The following ZDHHC24 variants were observed in gnomAD, a reference collection of about 807,000 sequenced individuals.
ZDHHC24 encodes the protein zDHHC palmitoyltransferase 24.
Under a neutral mutation model 23.2 loss-of-function variants are expected in ZDHHC24, and 17 were observed. The observed-to-expected ratio is 0.73, with a 90% CI of 0.50 to 1.10. ZDHHC24 has a LOEUF of 1.10. ZDHHC24 is among the 50% of genes least tolerant of loss of function. The pLI is 0.00. For synonymous variants in ZDHHC24, 186 were observed against 194.5 expected (o/e 0.96, Z 0.36); for missense variants, 366 against 393.0 (o/e 0.93, Z 0.58).
chr11:66,530,382 C>T (rs949981221), intron 2 of ZDHHC24, among the ~76,000 whole-genome samples: 2 of 152,066 alleles, frequency 1.3e-5, no homozygotes, highest in African/African-American at 4.8e-5. Flanking sequence ...GAGACCAGCA[C>T]GGGCAAAAGG....
intron 3 of ZDHHC24, chr11:66,529,181 G>T: frequency 7.5e-7 from 1 of 1,327,458 alleles, no homozygotes; most frequent in Non-Finnish European, 1.0e-6. Context: ...GAAGAGGAGG[G>T]ACAGTGGGGT....
In ZDHHC24 at chr11:66,537,012, C is replaced by G. The variant is rs987897074; in HGVS notation, c.*2517G>C. On this transcript the variant is annotated 3_prime_UTR_variant, in exon 3 of 3. Coordinates refer to ENST00000310442, the MANE Select transcript of ZDHHC24 (RefSeq NM_207340.3). The stretch of plus-strand genomic sequence containing the variant: ...AGTTCCTCCTGTCATTAAAAAATAG[C>G]AACAGAGCATGCCTGTTACAAAAAC... 3 of 151,954 alleles carry G rather than the reference C, an allele frequency of 2.0e-5. 1 individual carries two copies. The highest frequency in any genetic ancestry group is 4.4e-5 in the Non-Finnish European group (3 of 67,998). 9.4% of individuals were successfully genotyped at this position (151,954 alleles called of 1,614,324 possible).
downstream of ZDHHC24, chr11:66,521,013 C>T (rs560465582): frequency 1.4e-5 from 7 of 501,852 alleles, no homozygotes; most frequent in African/African-American, 9.7e-5. Context: ...GCCACCACAC[C>T]CAGCTGCACG....
At chr11:66,526,019 CTATCA>C in intron 4 of ZDHHC24, 1 of 977,898 alleles carries the variant, frequency 1.0e-6, no homozygotes, top group Non-Finnish European at 1.6e-6. Context: ...AGGCCTGTCT[CTATCA>C]CTTCTCACCT....
downstream of ZDHHC24, among the ~76,000 whole-genome samples, chr11:66,534,826 G>A (rs1473973905): frequency 1.3e-5 from 2 of 152,072 alleles, no homozygotes; most frequent in Non-Finnish European, 2.9e-5. Flanking sequence ...CTCCCGAGTA[G>A]CTGGGACTAC....
chr11:66,529,918 C>T lies in ZDHHC24; in HGVS notation c.560-430G>A, dbSNP rs374706769. The T allele has an allele frequency of 5.2e-5, 83 of 1,605,562 alleles. No homozygotes were observed. The highest frequency in any genetic ancestry group is 7.7e-5 in the South Asian group (7 of 90,964). On this transcript the variant is annotated intron_variant, in intron 2 of 4. Coordinates refer to the ZDHHC24 transcript ENST00000526986. Reference sequence around the variant, plus strand: ...GAGTCCAGCCTGAGCCCCCTGTCCACGACAGCCCGAGAGCCACTCAAGCTG... The same window carrying T: ...GAGTCCAGCCTGAGCCCCCTGTCCATGACAGCCCGAGAGCCACTCAAGCTG...
chr11:66,540,236 G>T (rs979594313), intron 2 of ZDHHC24, among the ~76,000 whole-genome samples: 2 of 151,970 alleles, frequency 1.3e-5, no homozygotes. Context: ...TTGACAACAC[G>T]GTAAAACCCC....
At chr11:66,521,117 A>C (rs944741812) in exon 5 of ZDHHC24, 1 of 701,802 alleles carries the variant, frequency 1.4e-6, no homozygotes, top group Non-Finnish European at 2.6e-6. Context: ...TGTTGCCCCA[A>C]GTTTCCCTCC....
At chr11:66,522,346 T>A (rs559863302) in intron 4 of ZDHHC24, among the ~76,000 whole-genome samples, 1 of 152,028 alleles carries the variant, frequency 6.6e-6, no homozygotes, top group Admixed American at 6.6e-5. Flanking sequence ...CTTTTTTTTT[T>A]TTTTATTTTG....
intron 4 of ZDHHC24, chr11:66,523,139 G>A (rs1856314549): frequency 2.0e-6 from 1 of 505,862 alleles, no homozygotes; most frequent in African/African-American, 1.9e-5. Flanking sequence ...TCCAGCCAAA[G>A]GTAAACTCAC....
chr11:66,533,665 A>G (rs1856869075), downstream of ZDHHC24: 1 of 152,150 alleles, frequency 6.6e-6, no homozygotes, highest in Non-Finnish European at 1.5e-5. Flanking sequence ...TGATGGACTG[A>G]TTGCTAATTC....
intron 3 of ZDHHC24, chr11:66,527,668 C>CAAAAAAAAAAA (rs58165767): frequency 4.7e-4 from 27 of 57,946 alleles, no homozygotes; most frequent in Non-Finnish European, 5.7e-4. Flanking sequence ...GACTCCGTCT[C>CAAAAAAAAAAA]AAAAAAAAAA....
chr11:66,524,293 A>C, intron 4 of ZDHHC24: 1 of 331,082 alleles, frequency 3.0e-6, no homozygotes, highest in South Asian at 2.5e-5. Context: ...AAAAAAAAAA[A>C]TGTGTTGAGC....
intron 4 of ZDHHC24, among the ~76,000 whole-genome samples, chr11:66,521,966 C>T (rs552697455): frequency 1.4e-5 from 2 of 146,652 alleles, no homozygotes; most frequent in Admixed American, 1.4e-4. Flanking sequence ...CGCCTGTAAT[C>T]CCAGCACTTT....
Position 66,539,670 on chromosome 11 carries a change from G to C in ZDHHC24, c.714C>G (p.Asp238Glu). The change falls in exon 3 of 3, where the codon GAC becomes GAG. Residue 238 changes from aspartate (D) to glutamate (E), a missense_variant. By Grantham distance (45) the Asp-to-Glu change is conservative. Coordinates refer to ENST00000310442, the MANE Select transcript of ZDHHC24 (RefSeq NM_207340.3). ...CCTGCAGGTTGTGGCAGGGACCCAG[G>C]TCATAGGAGTGCTGGCCCCGAGCCC... ...WEWARGQHSYDLGPCHNLQAA... is the reference protein window; with the variant it reads ...WEWARGQHSYELGPCHNLQAA... 6.2e-7 allele frequency: 1 copy of C among 1,611,190 alleles called. No homozygotes were observed. The highest frequency in any genetic ancestry group is 8.5e-7 in the Non-Finnish European group (1 of 1,179,480).
chr11:66,543,242 C>T (rs377252116), intron 2 of ZDHHC24, among the ~76,000 whole-genome samples: 1 of 152,068 alleles, frequency 6.6e-6, no homozygotes, highest in African/African-American at 2.4e-5. Context: ...CCTTCTCCTG[C>T]CTGTCACTTT....
chr11:66,526,251 T>A, intron 4 of ZDHHC24: 7 of 1,521,630 alleles, frequency 4.6e-6, no homozygotes, highest in Non-Finnish European at 6.4e-6. Flanking sequence ...ACAGGCCTGC[T>A]TCTGGGGAAA....
chr11:66,533,395 A>G (rs1258726428), downstream of ZDHHC24: 1 of 152,238 alleles, frequency 6.6e-6, no homozygotes, highest in Non-Finnish European at 1.5e-5. Context: ...ATGTGCTTAT[A>G]TGACTCTTGC....
chr11:66,537,612 G>C lies in ZDHHC24; in HGVS notation c.*1917C>G, dbSNP rs1857009516. The C allele has an allele frequency of 6.9e-6, 1 of 144,398 alleles. No homozygotes were observed. Among genetic ancestry groups the C allele is most frequent in the South Asian group, 2.2e-4 (1 of 4,648 alleles). The allele number at this position is 144,398 out of a possible 1,614,324, so 8.9% of individuals were successfully genotyped here. On this transcript the variant is annotated 3_prime_UTR_variant, in exon 3 of 3. Coordinates refer to ENST00000310442, the MANE Select transcript of ZDHHC24 (RefSeq NM_207340.3). ...GCACTTTGGGAGGCCAAGGCGGGCA[G>C]ATCACGAGGTCAGTAGATCAAGACC...
Sources: allele counts gnomAD v4.1 joint callset (sites outside exome capture counted in the v4.1 genomes callset), GRCh38; gene constraint gnomAD v4.1.1; transcripts MANE v1.5; gene names NCBI Gene and HGNC (gene_info 2026-07-23, HGNC 2026-07-21).